The following RASGEF1C variants were observed in gnomAD, a reference collection of about 807,000 sequenced individuals.
RASGEF1C encodes the protein RasGEF domain family member 1C.
Under a neutral mutation model 58.1 loss-of-function variants are expected in RASGEF1C, and 27 were observed. The observed-to-expected ratio is 0.46, with a 90% CI of 0.34 to 0.64. The LOEUF is 0.64. Ranked by LOEUF, RASGEF1C falls within the 30% of genes least tolerant of loss-of-function variation. The pLI, the probability that RASGEF1C is intolerant of heterozygous loss-of-function variation, is 0.01. For synonymous variants in RASGEF1C, 243 were observed against 246.3 expected, an observed-to-expected ratio of 0.99 and a Z score of 0.13; for missense variants, 502 against 605.1, an observed-to-expected ratio of 0.83 and a Z score of 1.79.
At chr5:180,113,266 C>T (rs150535553) in intron 11 of RASGEF1C, among the ~76,000 whole-genome samples, 356 of 31,022 alleles carry the variant, frequency 0.011, 3 homozygotes, top group East Asian at 0.025. Flanking sequence ...GACGGAGGGA[C>T]CGAGGATGGA....
At chr5:180,208,484 G>C (rs1246841288) in intron 1 of RASGEF1C, among the ~76,000 whole-genome samples, 1 of 152,134 alleles carries the variant, frequency 6.6e-6, no homozygotes, top group East Asian at 1.9e-4. Context: ...CTGCGTGAGG[G>C]ACACACCCAG....
intron 1 of RASGEF1C, among the ~76,000 whole-genome samples, chr5:180,185,561 G>A (rs1045797048): frequency 6.6e-6 from 1 of 151,326 alleles, no homozygotes; most frequent in Non-Finnish European, 1.5e-5. Flanking sequence ...CTCCAGCATG[G>A]GTGACAAGAG....
intron 1 of RASGEF1C, among the ~76,000 whole-genome samples, chr5:180,208,692 G>A (rs956058635): frequency 2.6e-5 from 4 of 152,072 alleles, no homozygotes; most frequent in African/African-American, 9.7e-5. Flanking sequence ...CGGTGCGGGT[G>A]GAGGCTTTGG....
chr5:180,121,669 A>C (rs928729786), intron 6 of RASGEF1C, among the ~76,000 whole-genome samples: 13 of 63,604 alleles, frequency 2.0e-4, no homozygotes, highest in Non-Finnish European at 3.7e-4. Flanking sequence ...ACACACACAC[A>C]CACACACACA....
chr5:180,180,720 T>C (rs959237034), intron 1 of RASGEF1C, among the ~76,000 whole-genome samples: 11 of 152,226 alleles, frequency 7.2e-5, no homozygotes, highest in African/African-American at 2.4e-4. Context: ...GCTGTGGTTG[T>C]GTTGTTTACC....
intron 1 of RASGEF1C, among the ~76,000 whole-genome samples, chr5:180,153,386 T>G (rs1463526518): frequency 6.6e-6 from 1 of 152,220 alleles, no homozygotes; most frequent in Non-Finnish European, 1.5e-5. Context: ...AGCTAGCTGC[T>G]ACCATGTTAA....
intron 10 of RASGEF1C, among the ~76,000 whole-genome samples, chr5:180,118,208 C>A (rs1326829546): frequency 6.6e-6 from 1 of 152,100 alleles, no homozygotes; most frequent in Admixed American, 6.5e-5. Flanking sequence ...TGTTTAGGGA[C>A]CAAAGGGCCC....
In RASGEF1C at chr5:180,137,833, TGGA is replaced by T. The variant is rs765163867; in HGVS notation, c.177+40_177+42del. 41 of 1,604,964 alleles carry T rather than the reference TGGA, an allele frequency of 2.6e-5. No homozygotes were observed. In the East Asian group the frequency reaches 4.0e-4, roughly 16 times the overall value. ...CAACCCTGATGCCCCCCGTGCGTGG[TGGA>T]GGAGAGCCCACTCTCCTGCCCGCTG... On this transcript the variant is annotated intron_variant, in intron 2 of 13. Transcript: ENST00000361132. The surrounding 1 kb of genome is among the most constrained non-coding windows in gnomAD (Gnocchi z 4.1).
At chr5:180,195,818 C>T (rs970506838) in intron 1 of RASGEF1C, among the ~76,000 whole-genome samples, 6 of 152,164 alleles carry the variant, frequency 3.9e-5, no homozygotes, top group East Asian at 1.9e-4. Flanking sequence ...CCTGCAGGCC[C>T]GCCGTCCGGT....
intron 11 of RASGEF1C, among the ~76,000 whole-genome samples, chr5:180,113,399 C>T (rs369525023): frequency 9.3e-4 from 31 of 33,316 alleles, no homozygotes; most frequent in East Asian, 3.5e-3. Context: ...GACGGAGGGA[C>T]CGGGGATGGA....
chr5:180,196,446 A>G (rs1756279892), intron 1 of RASGEF1C, among the ~76,000 whole-genome samples: 1 of 151,426 alleles, frequency 6.6e-6, no homozygotes, highest in African/African-American at 2.4e-5. Context: ...GGTTGCAGTG[A>G]GCCGAGATCA....
rs11546322 is a variant in RASGEF1C at position 180,136,435 on chromosome 5, T to C, written c.381A>G (p.Glu127=). 0.38 allele frequency: 595,412 copies of C among 1,560,500 alleles called. 119,613 individuals are homozygous for C. The highest frequency in any genetic ancestry group is 0.72 in the East Asian group (30,049 of 41,788). Residue 127 remains glutamate (E), a synonymous_variant, in exon 4 of 14, where the codon GAA becomes GAG. Coordinates refer to ENST00000361132, the MANE Select transcript of RASGEF1C (RefSeq NM_175062.4). ...WTETFPRDFQ[E]ESTIGHLKDV... is the part of the protein sequence containing the mutation. ...CCTTAAGGTGCCCGATAGTCGACTC[T>C]TCCTGGAAGTCCCTTGGGAAGGTCT...
At position 180,128,624 on chromosome 5, in the gene RASGEF1C, A is replaced by C; in HGVS notation, c.439-14T>G. ...CTTCCGGTATGCCTGGTGGGTGGAAAGAAGGGCGCTCAGGACTGAACACTC... is the reference window on the plus strand; with the variant it reads ...CTTCCGGTATGCCTGGTGGGTGGAACGAAGGGCGCTCAGGACTGAACACTC... On this transcript the variant is annotated splice_polypyrimidine_tract_variant and intron_variant, in intron 4 of 13. Transcript: ENST00000361132. 6.2e-7 allele frequency: 1 copy of C among 1,611,996 alleles called. No homozygotes were observed.
At chr5:180,124,727 G>A (rs1582268520) in intron 6 of RASGEF1C, among the ~76,000 whole-genome samples, 1 of 152,304 alleles carries the variant, frequency 6.6e-6, no homozygotes, top group African/African-American at 2.4e-5. Flanking sequence ...GGAAGGCTGA[G>A]GCAGGAGAAT....
intron 4 of RASGEF1C, among the ~76,000 whole-genome samples, chr5:180,129,031 G>C (rs1236514606): frequency 6.6e-6 from 1 of 152,240 alleles, no homozygotes; most frequent in Non-Finnish European, 1.5e-5. Flanking sequence ...GGCTTTAATG[G>C]GGCCTCTGTT....
chr5:180,159,466 T>C (rs1766903510), intron 1 of RASGEF1C, among the ~76,000 whole-genome samples: 1 of 152,222 alleles, frequency 6.6e-6, no homozygotes. Context: ...AAAGTTTTCT[T>C]CTTCCTGCGC....
At chr5:180,174,669 C>T (rs867787858) in intron 1 of RASGEF1C, among the ~76,000 whole-genome samples, 4 of 152,156 alleles carry the variant, frequency 2.6e-5, no homozygotes, top group Middle Eastern at 6.8e-3. Flanking sequence ...GCATCTGAAC[C>T]CCCAGCCCAG....
Position 180,176,342 on chromosome 5 carries a change from G to A in RASGEF1C, c.-7+32686C>T, listed in dbSNP as rs1202504687. 3.9e-5 allele frequency among the ~76,000 whole-genome samples: 6 copies of A among 152,296 alleles called. No homozygotes were observed. In the East Asian group the frequency reaches 7.8e-4, roughly 20 times the overall value. On this transcript the variant is annotated intron_variant, in intron 1 of 13. Coordinates refer to ENST00000361132, the MANE Select transcript of RASGEF1C (RefSeq NM_175062.4). ...CGCTGAGTGCCTGTTTTAATCTTGC[G>A]AAGACTCAGCCTCACCTGAGCCCAT...
chr5:180,113,003 G>A (rs1490640554), intron 11 of RASGEF1C, among the ~76,000 whole-genome samples: 8 of 121,222 alleles, frequency 6.6e-5, no homozygotes, highest in South Asian at 3.0e-4. Context: ...GGAGGGATCC[G>A]GGCTGGACGG....
Sources: allele counts gnomAD v4.1 joint callset (sites outside exome capture counted in the v4.1 genomes callset), GRCh38; gene constraint gnomAD v4.1.1; non-coding constraint Gnocchi (gnomAD v3.1); transcripts MANE v1.5; gene names NCBI Gene and HGNC (gene_info 2026-07-23, HGNC 2026-07-21).